Variants in TENM3 observed in about 807,000 individuals in gnomAD.
TENM3 encodes teneurin transmembrane protein 3, also known as teneurin-3.
Under a neutral mutation model 255.1 loss-of-function variants are expected in TENM3, and 63 were observed. The observed-to-expected ratio is 0.25, with a 90% CI of 0.20 to 0.30. The LOEUF is 0.30. Among genes scored for constraint, TENM3 ranks in the 10% least tolerant of loss-of-function variants. The pLI, the probability that TENM3 is intolerant of heterozygous loss-of-function variation, is 1.00. For missense variants in TENM3, 2,929 were observed against 3,461.1 expected (o/e 0.85, Z 3.86); for synonymous variants, 1,306 against 1,322.3 (o/e 0.99, Z 0.27).
intron 3 of TENM3, among the ~76,000 whole-genome samples, chr4:182,369,287 G>A (rs950636838): frequency 1.3e-5 from 2 of 152,132 alleles, no homozygotes; most frequent in Admixed American, 1.3e-4. Flanking sequence ...GTGTTTTACA[G>A]AGGAAAGAAA....
At chr4:181,641,946 C>A in the TENM3 span, among the ~76,000 whole-genome samples, 1 of 148,300 alleles carries the variant, frequency 6.7e-6, no homozygotes, top group Admixed American at 6.9e-5. Flanking sequence ...GTTCATGTGT[C>A]TTTATAGTAG....
At chr4:181,619,287 C>T in the TENM3 span, among the ~76,000 whole-genome samples, 2 of 152,078 alleles carry the variant, frequency 1.3e-5, no homozygotes, top group African/African-American at 2.4e-5. Context: ...ATCAATAGCC[C>T]TTTATTAAAG....
the TENM3 span, among the ~76,000 whole-genome samples, chr4:181,714,901 A>G: frequency 6.6e-6 from 1 of 152,236 alleles, no homozygotes; most frequent in African/African-American, 2.4e-5. Context: ...TTTAAAATCT[A>G]CAAAGAGATA....
the TENM3 span, among the ~76,000 whole-genome samples, chr4:181,978,958 G>C: frequency 1.8e-3 from 261 of 144,328 alleles, no homozygotes; most frequent in Non-Finnish European, 3.1e-3. Context: ...ACACTTTGAA[G>C]TTTATGGATT....
At chr4:182,056,211 A>G in the TENM3 span, among the ~76,000 whole-genome samples, 2 of 152,130 alleles carry the variant, frequency 1.3e-5, no homozygotes, top group African/African-American at 4.8e-5. Flanking sequence ...TAATGTGTAA[A>G]ACCGACTGAG....
In TENM3 at chr4:182,327,411, C is replaced by T. The variant is rs1462442087; in HGVS notation, c.232+3159C>T. On this transcript the variant is annotated intron_variant, in intron 2 of 27. Coordinates refer to ENST00000511685, the MANE Select transcript of TENM3 (RefSeq NM_001080477.4). The stretch of plus-strand genomic sequence containing the variant: ...ATGCAACTTCGGCTGGAGAAAGGGA[C>T]AAGCAGGGTTTCCGTTGGTGCGATT... Among the ~76,000 whole-genome samples, 7 of 152,268 alleles carry T rather than the reference C, an allele frequency of 4.6e-5. No individual in the cohort carries two copies. The East Asian group carries it at 1.4e-3, about 29-fold the overall frequency.
the TENM3 span, among the ~76,000 whole-genome samples, chr4:181,638,118 CTT>C: frequency 7.3e-4 from 111 of 152,280 alleles, no homozygotes; most frequent in African/African-American, 2.5e-3. Context: ...TACTATGTAA[CTT>C]TTAAAAATTG....
chr4:182,281,547 G>T (rs951504689), intron 1 of TENM3, among the ~76,000 whole-genome samples: 8 of 151,848 alleles, frequency 5.3e-5, no homozygotes, highest in African/African-American at 1.9e-4. Context: ...TGAGACAAAG[G>T]TCTTGCTATA....
chr4:182,218,385 T>A (rs1755638317), intron 1 of TENM3, among the ~76,000 whole-genome samples: 1 of 152,312 alleles, frequency 6.6e-6, no homozygotes, highest in East Asian at 1.9e-4. Context: ...CTGTTACTCT[T>A]CCAGTTTTTA....
chr4:181,603,231 T>G, the TENM3 span, among the ~76,000 whole-genome samples: 4,935 of 152,234 alleles, frequency 0.032, 165 homozygotes, highest in East Asian at 0.16. Context: ...GTTGAGACAA[T>G]CAGCTGATCT....
chr4:181,907,265 C>T, the TENM3 span, among the ~76,000 whole-genome samples: 18 of 152,278 alleles, frequency 1.2e-4, no homozygotes, highest in African/African-American at 4.1e-4. Flanking sequence ...AACAGGGAGC[C>T]AGGAGGACCG....
chr4:182,253,176 G>C (rs1234398488), intron 1 of TENM3, among the ~76,000 whole-genome samples: 2 of 152,172 alleles, frequency 1.3e-5, no homozygotes, highest in Non-Finnish European at 2.9e-5. Flanking sequence ...TCCCCAGTAA[G>C]AATTATACCA....
Position 182,517,619 on chromosome 4 carries a change from G to A in TENM3, c.512-83305G>A, listed in dbSNP as rs891186028. Among the ~76,000 whole-genome samples the A allele has an allele frequency of 1.1e-4, 16 of 150,464 alleles. 1 individual carries two copies. The highest frequency in any genetic ancestry group is 2.1e-4 in the South Asian group (1 of 4,788). ...AGGATGGTCTCGATCTCCTGACCTCGTGATCCGCCCGCCTCGGCCTCCCAA... is the reference window on the plus strand; with the variant it reads ...AGGATGGTCTCGATCTCCTGACCTCATGATCCGCCCGCCTCGGCCTCCCAA... On this transcript the variant is annotated intron_variant, in intron 3 of 27. Transcript: ENST00000511685.
In TENM3 at chr4:182,325,114, T is replaced by TA. The variant is rs532272821; in HGVS notation, c.232+864dup. 1.5e-3 allele frequency among the ~76,000 whole-genome samples: 229 copies of TA among 152,354 alleles called. 1 individual carries two copies. Among genetic ancestry groups the TA allele is most frequent in the African/African-American group, 5.3e-3 (222 of 41,592 alleles). On this transcript the variant is annotated intron_variant, in intron 2 of 27. Coordinates refer to ENST00000511685, the MANE Select transcript of TENM3 (RefSeq NM_001080477.4). ...TGTAATGTGCAGTATAATTTACATATAACTTAGCATTCTTTAGCTAATTTA... is the reference window on the plus strand; with the variant it reads ...TGTAATGTGCAGTATAATTTACATATAAACTTAGCATTCTTTAGCTAATTTA...
intron 3 of TENM3, among the ~76,000 whole-genome samples, chr4:182,501,787 T>C (rs1736348547): frequency 6.6e-6 from 1 of 152,218 alleles, no homozygotes; most frequent in East Asian, 1.9e-4. Flanking sequence ...TATATGACTT[T>C]TTTTAGTCAT....
At chr4:181,494,907 C>T in the TENM3 span, among the ~76,000 whole-genome samples, 10 of 152,086 alleles carry the variant, frequency 6.6e-5, no homozygotes, top group South Asian at 2.1e-4. Flanking sequence ...TTGCCACTTC[C>T]GTGCCATCTT....
At chr4:181,666,315 A>G in the TENM3 span, among the ~76,000 whole-genome samples, 2 of 152,152 alleles carry the variant, frequency 1.3e-5, no homozygotes, top group Non-Finnish European at 2.9e-5. Flanking sequence ...AAATTTTCCT[A>G]AAGTATCTTC....
At chr4:182,688,883 G>A (rs568728811) in intron 12 of TENM3, among the ~76,000 whole-genome samples, 7 of 152,112 alleles carry the variant, frequency 4.6e-5, no homozygotes, top group South Asian at 2.1e-4. Flanking sequence ...TACAAATCTC[G>A]CTGCTCTTAA....
intron 2 of TENM3, among the ~76,000 whole-genome samples, chr4:182,345,975 A>C (rs1164648017): frequency 6.6e-6 from 1 of 152,132 alleles, no homozygotes; most frequent in African/African-American, 2.4e-5. Context: ...AAAAGCCTAG[A>C]AAGTCAAAAA....
Sources: gnomAD v4.1 joint callset for allele counts (sites outside exome capture counted in the v4.1 genomes callset) on GRCh38, gnomAD v4.1.1 for gene constraint, MANE v1.5 for transcripts, NCBI Gene and HGNC (gene_info 2026-07-23, HGNC 2026-07-21) for gene names.